The following DNAH11 variants were observed in gnomAD, a reference collection of about 807,000 sequenced individuals.
DNAH11 encodes the protein dynein axonemal heavy chain 11.
DNAH11 carries 442 observed loss-of-function variants against 526.0 expected under a neutral mutation model. The observed-to-expected ratio is 0.84, with a 90% CI of 0.78 to 0.91. DNAH11 has a LOEUF of 0.91. Among genes scored for constraint, DNAH11 ranks in the 40% least tolerant of loss-of-function variants. DNAH11 has a pLI of 0.00. For synonymous variants in DNAH11, 2,461 were observed against 1,935.9 expected, an observed-to-expected ratio of 1.27 and a Z score of -7.12; for missense variants, 6,989 against 5,448.7, an observed-to-expected ratio of 1.28 and a Z score of -8.90.
intron 54 of DNAH11, among the ~76,000 whole-genome samples, chr7:21,764,786 G>A (rs4719674): frequency 0.2 from 30,383 of 152,062 alleles, 3,328 homozygotes; most frequent in Admixed American, 0.25. Flanking sequence ...TTAACTTTTA[G>A]GTCATTACAT....
intron 61 of DNAH11, among the ~76,000 whole-genome samples, chr7:21,791,069 C>T (rs555758174): frequency 2.0e-5 from 3 of 152,242 alleles, no homozygotes; most frequent in East Asian, 1.9e-4. Flanking sequence ...AGAGAGATTA[C>T]GTTCAAGGCT....
intron 2 of DNAH11, among the ~76,000 whole-genome samples, chr7:21,554,288 C>T (rs563383012): frequency 5.3e-5 from 8 of 151,880 alleles, no homozygotes; most frequent in South Asian, 2.1e-4. Flanking sequence ...ATTCTCCTGC[C>T]GCAGCCTCCT....
intron 25 of DNAH11, among the ~76,000 whole-genome samples, chr7:21,624,011 A>T (rs1404049433): frequency 6.6e-6 from 1 of 151,652 alleles, no homozygotes; most frequent in East Asian, 1.9e-4. Flanking sequence ...AAAAGAATCC[A>T]CTTTCTTAAT....
chr7:21,818,363 A>G, intron 65 of DNAH11, 24 bp downstream of exon 65: 1 of 1,598,144 alleles, frequency 6.3e-7, no homozygotes, highest in Non-Finnish European at 8.5e-7. Context: ...AATTTTTAAC[A>G]TATATATCTT....
intron 65 of DNAH11, among the ~76,000 whole-genome samples, chr7:21,830,898 T>C (rs1482667180): frequency 6.6e-6 from 1 of 152,202 alleles, no homozygotes; most frequent in South Asian, 2.1e-4. Context: ...TTTATTTCTG[T>C]TCTGAGATTA....
chr7:21,817,746 T>C (rs1395927689), intron 64 of DNAH11, among the ~76,000 whole-genome samples: 2 of 151,952 alleles, frequency 1.3e-5, no homozygotes, highest in Non-Finnish European at 2.9e-5. Flanking sequence ...GAAAATTATT[T>C]TTGGTAGGGA....
Position 21,585,143 on chromosome 7 carries a change from TATAAG to T in DNAH11, c.1711-2918_1711-2914del, listed in dbSNP as rs376038385. On this transcript the variant is annotated intron_variant, in intron 9 of 81. Coordinates refer to ENST00000409508, the MANE Select transcript of DNAH11 (RefSeq NM_001277115.2). ...ATATTTGACCTGTTTACTGAACAAA[TATAAG>T]ATGAGATCCTACTGTCATAAGCTTG... Among the ~76,000 whole-genome samples the T allele has an allele frequency of 4.5e-3, 680 of 152,230 alleles. 6 individuals carry two copies. The highest frequency in any genetic ancestry group is 0.015 in the African/African-American group (634 of 41,494).
chr7:21,790,170 G>T (rs187776250), intron 61 of DNAH11, among the ~76,000 whole-genome samples: 1 of 152,014 alleles, frequency 6.6e-6, no homozygotes, highest in Non-Finnish European at 1.5e-5. Flanking sequence ...TTTTCGGCTC[G>T]GCGCAGTGGC....
Position 21,658,992 on chromosome 7 carries a change from A to C in DNAH11, c.5289A>C (p.Glu1763Asp). ...DVGIAFSRLE[E>D]GYETALKDFH... ...GAATAGCCTTCAGTAGACTGGAAGA[A>C]GGCTACGAAACAGCCCTGAAGGATT... Residue 1763 changes from glutamate to aspartate, a missense_variant, in exon 30 of 82, where the codon GAA (glutamate) becomes GAC (aspartate). Transcript: ENST00000409508. 1 of 1,608,246 alleles carries C rather than the reference A, an allele frequency of 6.2e-7. No homozygotes were observed. Among genetic ancestry groups the C allele is most frequent in the Non-Finnish European group, 8.5e-7 (1 of 1,177,336 alleles).
At chr7:21,828,779 G>A (rs561627375) in intron 65 of DNAH11, among the ~76,000 whole-genome samples, 2 of 119,866 alleles carry the variant, frequency 1.7e-5, no homozygotes, top group East Asian at 2.3e-4. Flanking sequence ...TTTTTTTGCT[G>A]TACAATGTTA....
intron 51 of DNAH11, among the ~76,000 whole-genome samples, chr7:21,747,853 C>T (rs934791273): frequency 4.6e-5 from 7 of 152,224 alleles, no homozygotes; most frequent in African/African-American, 1.7e-4. Flanking sequence ...AATAATTCTA[C>T]AGCAAAGATT....
At chr7:21,900,810 C>T in intron 81 of DNAH11, 197 bp from the exon 82 acceptor site, 1 of 743,172 alleles carries the variant, frequency 1.3e-6, no homozygotes, top group Admixed American at 3.3e-5. Flanking sequence ...CGCATGGAAG[C>T]AAAGCGGTGC....
At chr7:21,815,778 G>T (rs114822187) in intron 63 of DNAH11, among the ~76,000 whole-genome samples, 1 of 152,070 alleles carries the variant, frequency 6.6e-6, no homozygotes, top group Non-Finnish European at 1.5e-5. Flanking sequence ...TTGCCACAAC[G>T]TTATTTATTG....
chr7:21,643,387 C>T (rs1453654927), intron 28 of DNAH11, among the ~76,000 whole-genome samples: 1 of 152,118 alleles, frequency 6.6e-6, no homozygotes, highest in Non-Finnish European at 1.5e-5. Flanking sequence ...GAACAGTTTG[C>T]ACATTTTCTT....
intron 20 of DNAH11, among the ~76,000 whole-genome samples, chr7:21,609,706 G>A (rs1408266968): frequency 2.6e-5 from 4 of 152,150 alleles, no homozygotes; most frequent in Non-Finnish European, 5.9e-5. Flanking sequence ...ATCTGTTGCG[G>A]AGTTCACAAG....
chr7:21,564,101 G>T lies in DNAH11; in HGVS notation c.983-85G>T, dbSNP rs1476786637. On this transcript the variant is annotated intron_variant, in intron 5 of 81. Coordinates refer to ENST00000409508, the MANE Select transcript of DNAH11 (RefSeq NM_001277115.2). ...TTTAAGTGTGGCCATGTTGTTTTAC[G>T]TGGCTCTCTTCTACATGTAAAGTGA... 29 of 951,416 alleles carry T rather than the reference G, an allele frequency of 3.0e-5. No individual in the cohort carries two copies. In the South Asian group the frequency reaches 5.4e-4, roughly 18 times the overall value. 58.9% of individuals were successfully genotyped at this position (951,416 alleles called of 1,614,324 possible).
rs142585703 is a variant in DNAH11 at position 21,892,549 on chromosome 7, C to T, written c.12632C>T (p.Pro4211Leu). Residue 4211 changes from proline to leucine, a missense_variant, in exon 77 of 82, where the codon CCA (proline) becomes CTA (leucine). Coordinates refer to ENST00000409508, the MANE Select transcript of DNAH11 (RefSeq NM_001277115.2). ...PESPALYGLH[P>L]NAEIEFLTVT... Reference sequence around the variant, plus strand: ...AGCCCGGCACTGTATGGCCTCCACCCAAATGCTGAAATAGAATTCCTGACA... The same window carrying T: ...AGCCCGGCACTGTATGGCCTCCACCTAAATGCTGAAATAGAATTCCTGACA... 1,946 of 1,613,956 alleles carry T rather than the reference C, an allele frequency of 1.2e-3. 6 individuals are homozygous for T. The highest frequency in any genetic ancestry group is 5.0e-3 in the Middle Eastern group (30 of 6,060).
chr7:21,884,646 C>T (rs1024389228), intron 76 of DNAH11, among the ~76,000 whole-genome samples: 9 of 152,098 alleles, frequency 5.9e-5, no homozygotes, highest in Admixed American at 4.6e-4. Flanking sequence ...AGTGCACCAG[C>T]GTGAGGCAGC....
At chr7:21,784,894 A>G (rs1003954053) in intron 58 of DNAH11, among the ~76,000 whole-genome samples, 1 of 152,204 alleles carries the variant, frequency 6.6e-6, no homozygotes. Context: ...TAGGCGAAGG[A>G]TTCTTTATTT....
Sources: gnomAD v4.1 joint callset for allele counts (sites outside exome capture counted in the v4.1 genomes callset) on GRCh38, gnomAD v4.1.1 for gene constraint, MANE v1.5 for transcripts, NCBI Gene and HGNC (gene_info 2026-07-23, HGNC 2026-07-21) for gene names.